The following CMSS1 variants were observed in gnomAD, a reference collection of about 807,000 sequenced individuals.
CMSS1 encodes protein CMSS1.
In CMSS1, 33 loss-of-function variants were observed where a neutral mutation model predicts 43.5. The observed-to-expected ratio is 0.76, with a 90% confidence interval of 0.57 to 1.01. The LOEUF (loss-of-function observed/expected upper bound fraction) is 1.01. CMSS1 is among the 50% of genes least tolerant of loss of function. CMSS1 has a pLI of 0.00. For missense variants in CMSS1, 313 were observed against 326.4 expected, an observed-to-expected ratio of 0.96 and a Z score of 0.32; for synonymous variants, 115 against 117.2, an observed-to-expected ratio of 0.98 and a Z score of 0.12.
intron 1 of CMSS1, among the ~76,000 whole-genome samples, chr3:99,890,494 CAT>C (rs747064614): frequency 1.3e-4 from 20 of 152,234 alleles, no homozygotes; most frequent in Middle Eastern, 3.4e-3. Flanking sequence ...AGATTAGACA[CAT>C]GTTAGACTTT....
intron 1 of CMSS1, among the ~76,000 whole-genome samples, chr3:99,983,454 A>G (rs9862572): frequency 9.9e-4 from 8 of 8,120 alleles, no homozygotes; most frequent in African/African-American, 4.4e-3. Flanking sequence ...ATGTATATAT[A>G]TATATGTGTG....
chr3:99,950,474 G>A (rs1708142896), intron 1 of CMSS1, among the ~76,000 whole-genome samples: 1 of 152,166 alleles, frequency 6.6e-6, no homozygotes, highest in Non-Finnish European at 1.5e-5. Context: ...CTATTCCTGA[G>A]ATTTTTTCAC....
intron 2 of CMSS1, among the ~76,000 whole-genome samples, chr3:100,156,702 G>A (rs951954330): frequency 5.3e-5 from 8 of 151,832 alleles, no homozygotes; most frequent in South Asian, 2.1e-4. Flanking sequence ...TGCAAGCTCC[G>A]CTTCCCGGGT....
chr3:100,072,657 G>T (rs765732160), intron 1 of CMSS1, among the ~76,000 whole-genome samples: 19 of 152,150 alleles, frequency 1.2e-4, no homozygotes, highest in Non-Finnish European at 2.5e-4. Flanking sequence ...AATCTTTATT[G>T]CCTTCCAGAA....
intron 1 of CMSS1, among the ~76,000 whole-genome samples, chr3:100,014,204 A>T (rs928426420): frequency 2.7e-5 from 4 of 150,924 alleles, no homozygotes; most frequent in African/African-American, 2.4e-5. Flanking sequence ...GTATATATAT[A>T]TTATATATAT....
At chr3:99,977,286 A>T (rs914550912) in intron 1 of CMSS1, among the ~76,000 whole-genome samples, 3 of 152,138 alleles carry the variant, frequency 2.0e-5, no homozygotes, top group Non-Finnish European at 4.4e-5. Context: ...CAGAAAAGAG[A>T]CTTAGACCAG....
At chr3:99,935,246 T>C (rs1707624392) in intron 1 of CMSS1, among the ~76,000 whole-genome samples, 1 of 133,052 alleles carries the variant, frequency 7.5e-6, no homozygotes, top group Non-Finnish European at 1.6e-5. Context: ...GCAACAGTGG[T>C]TTGGGATTTT....
chr3:100,127,300 A>G (rs1165928602), intron 1 of CMSS1, among the ~76,000 whole-genome samples: 1 of 152,186 alleles, frequency 6.6e-6, no homozygotes, highest in African/African-American at 2.4e-5. Context: ...ATCTCTGTCC[A>G]GTAGAAGGCA....
At chr3:100,128,301 A>G (rs112216709) in intron 1 of CMSS1, among the ~76,000 whole-genome samples, 19 of 152,324 alleles carry the variant, frequency 1.2e-4, no homozygotes, top group African/African-American at 4.3e-4. Context: ...AGCAGAATGT[A>G]GAGTTCTGCC....
chr3:99,978,619 G>T (rs1709035078), intron 1 of CMSS1, among the ~76,000 whole-genome samples: 1 of 152,120 alleles, frequency 6.6e-6, no homozygotes, highest in Non-Finnish European at 1.5e-5. Context: ...TAGAGGCTGG[G>T]CACCAGGGCT....
At position 100,052,695 on chromosome 3, in the gene CMSS1, A is replaced by G. The variant is rs150265803; in HGVS notation, c.65-94278A>G. Among the ~76,000 whole-genome samples the G allele has an allele frequency of 3.4e-3, 522 of 152,358 alleles. 3 individuals carry two copies. Among genetic ancestry groups the G allele is most frequent in the African/African-American group, 0.012 (480 of 41,586 alleles). On this transcript the variant is annotated intron_variant, in intron 1 of 9. Coordinates refer to ENST00000421999, the MANE Select transcript of CMSS1 (RefSeq NM_032359.4). ...TTTCTTTCTATAACCACATTTTAAG[A>G]TAAGTATATTCTAAAATTTTACAAA...
At chr3:99,823,761 A>C (rs569053979) in intron 1 of CMSS1, among the ~76,000 whole-genome samples, 18 of 152,174 alleles carry the variant, frequency 1.2e-4, no homozygotes, top group African/African-American at 4.3e-4. Context: ...GGTGGCCACC[A>C]GGTCTTCTAC....
intron 1 of CMSS1, among the ~76,000 whole-genome samples, chr3:99,844,587 C>G (rs1409324820): frequency 6.6e-6 from 1 of 152,178 alleles, no homozygotes; most frequent in African/African-American, 2.4e-5. Flanking sequence ...GGGAGTTTTA[C>G]TTCAACCAGT....
intron 1 of CMSS1, among the ~76,000 whole-genome samples, chr3:99,821,787 T>G (rs1942444120): frequency 6.6e-6 from 1 of 152,178 alleles, no homozygotes; most frequent in Non-Finnish European, 1.5e-5. Context: ...CTTGAGGGCC[T>G]GTAATCCCAG....
chr3:100,101,520 G>A (rs568866757), intron 1 of CMSS1, among the ~76,000 whole-genome samples: 22 of 152,210 alleles, frequency 1.4e-4, no homozygotes, highest in Admixed American at 2.6e-4. Context: ...ACTTCCATTG[G>A]AATTCTTGAT....
intron 1 of CMSS1, among the ~76,000 whole-genome samples, chr3:99,993,615 G>A (rs1377947498): frequency 1.3e-5 from 2 of 152,094 alleles, no homozygotes; most frequent in African/African-American, 4.8e-5. Context: ...GTGTGGGTTT[G>A]TCATATATGG....
At chr3:100,176,263 A>G (rs930876209) in intron 8 of CMSS1, 64 bp from the exon 9 acceptor site, 3 of 1,139,394 alleles carry the variant, frequency 2.6e-6, no homozygotes, top group African/African-American at 1.6e-5. Flanking sequence ...AGAATAAAAA[A>G]TCATTTTAAT....
At chr3:99,931,254 TG>T (rs2107663525) in intron 1 of CMSS1, among the ~76,000 whole-genome samples, 1 of 152,264 alleles carries the variant, frequency 6.6e-6, no homozygotes, top group Admixed American at 6.5e-5. Context: ...TGTTCTGTCT[TG>T]ATTAAGGCCA....
rs139790305 is a variant in CMSS1 at position 99,949,858 on chromosome 3, T to C, written c.64+131815T>C. On this transcript the variant is annotated intron_variant, in intron 1 of 9. Coordinates refer to ENST00000421999, the MANE Select transcript of CMSS1 (RefSeq NM_032359.4). ...TTGTTCATATTTTCCTTAAAATCCATCACAATTATTACCAAGGACATTCTT... is the reference window on the plus strand; with the variant it reads ...TTGTTCATATTTTCCTTAAAATCCACCACAATTATTACCAAGGACATTCTT... 7.2e-3 allele frequency among the ~76,000 whole-genome samples: 1,104 copies of C among 152,324 alleles called. 19 individuals are homozygous for C. Among genetic ancestry groups the C allele is most frequent in the African/African-American group, 0.024 (1,017 of 41,576 alleles).
Sources: allele counts gnomAD v4.1 joint callset (sites outside exome capture counted in the v4.1 genomes callset), GRCh38; gene constraint gnomAD v4.1.1; transcripts MANE v1.5; gene names NCBI Gene and HGNC (gene_info 2026-07-23, HGNC 2026-07-21).